Variants in CASK observed in about 807,000 individuals in gnomAD.
The protein encoded by CASK is peripheral plasma membrane protein CASK.
A neutral mutation model predicts 82.9 loss-of-function variants in CASK; 4 were observed. The observed-to-expected ratio is 0.05, with a 90% CI of 0.02 to 0.11. The LOEUF (loss-of-function observed/expected upper bound fraction) is 0.11, where lower values mean the gene tolerates loss of function less well. CASK is among the 10% of genes least tolerant of loss of function. The pLI is 1.00. For missense variants in CASK, 358 were observed against 720.9 expected (o/e 0.50, Z 5.76); for synonymous variants, 259 against 253.5 (o/e 1.02, Z -0.20).
chrX:41,673,234 T>C (rs1422549403), intron 5 of CASK, among the ~76,000 whole-genome samples: 1 of 110,436 alleles, frequency 9.1e-6, no homozygotes, highest in Non-Finnish European at 1.9e-5. Context: ...GATTCAGTCA[T>C]TCTTGAATCC....
chrX:41,886,661 A>T (rs895063291), intron 1 of CASK, among the ~76,000 whole-genome samples: 3 of 111,623 alleles, frequency 2.7e-5, no homozygotes, highest in Non-Finnish European at 5.7e-5. Context: ...ACACATAAGA[A>T]CTCTTGTTAG....
chrX:41,751,812 G>A (rs2068794717), intron 3 of CASK, among the ~76,000 whole-genome samples: 1 of 111,195 alleles, frequency 9.0e-6, no homozygotes, highest in African/African-American at 3.3e-5. Context: ...GGGAGGCTGA[G>A]GCAGGCAGAT....
intron 5 of CASK, among the ~76,000 whole-genome samples, chrX:41,686,595 CCT>C (rs2067445216): frequency 9.0e-6 from 1 of 110,890 alleles, no homozygotes; most frequent in African/African-American, 3.3e-5. Flanking sequence ...GTTTGGGACC[CCT>C]GTTTTGAGAA....
intron 5 of CASK, among the ~76,000 whole-genome samples, chrX:41,685,297 G>A (rs1478704047): frequency 9.0e-6 from 1 of 111,249 alleles, no homozygotes; most frequent in Admixed American, 9.6e-5. Flanking sequence ...TCTAGCTTTT[G>A]CACTCTTCCC....
At chrX:41,667,430 C>G (rs887809244) in intron 6 of CASK, among the ~76,000 whole-genome samples, 1 of 111,665 alleles carries the variant, frequency 9.0e-6, no homozygotes, top group African/African-American at 3.3e-5. Context: ...AATTAGCAAA[C>G]TAAATTAAAT....
intron 18 of CASK, 31 bp from the exon 19 acceptor site, chrX:41,557,131 G>T: frequency 9.5e-7 from 1 of 1,048,044 alleles, no homozygotes; most frequent in Non-Finnish European, 1.3e-6. Flanking sequence ...CATTAACACA[G>T]AACACCAGCA....
chrX:41,592,201 A>G (rs2065756128), intron 12 of CASK, among the ~76,000 whole-genome samples: 1 of 106,085 alleles, frequency 9.4e-6, no homozygotes, highest in Non-Finnish European at 1.9e-5. Context: ...AGCCTGGGTG[A>G]CAGAGCAAGA....
At chrX:41,537,939 G>A (rs774447309) in intron 22 of CASK, among the ~76,000 whole-genome samples, 164 of 108,722 alleles carry the variant, frequency 1.5e-3, no homozygotes, top group African/African-American at 4.9e-3. Context: ...CGGACCTCCC[G>A]GGTTCAAGTG....
At chrX:41,532,740 G>A (rs2064823696) in intron 24 of CASK, among the ~76,000 whole-genome samples, 1 of 111,466 alleles carries the variant, frequency 9.0e-6, no homozygotes, top group Non-Finnish European at 1.9e-5. Context: ...AGTGCTCGTG[G>A]TCATCAAAAT....
chrX:41,712,503 G>C (rs1002082427), intron 5 of CASK, among the ~76,000 whole-genome samples: 1 of 112,467 alleles, frequency 8.9e-6, no homozygotes, highest in Non-Finnish European at 1.9e-5. Flanking sequence ...AGGAAATTAT[G>C]ACAGTGAAAA....
chrX:41,854,439 G>A (rs1313543560), intron 1 of CASK, among the ~76,000 whole-genome samples: 1 of 112,262 alleles, frequency 8.9e-6, no homozygotes, highest in Non-Finnish European at 1.9e-5. Flanking sequence ...ATGTGTACAT[G>A]TATACATGCG....
At chrX:41,767,782 G>A (rs1258187288) in intron 3 of CASK, among the ~76,000 whole-genome samples, 2 of 111,494 alleles carry the variant, frequency 1.8e-5, no homozygotes, top group African/African-American at 6.5e-5. Flanking sequence ...GAGGTGAAAT[G>A]CCCTTCTCAT....
At chrX:41,644,593 A>G (rs774559593) in intron 8 of CASK, among the ~76,000 whole-genome samples, 1 of 112,404 alleles carries the variant, frequency 8.9e-6, no homozygotes, top group East Asian at 2.8e-4. Context: ...GATAACAGCA[A>G]TTGTTCAAGG....
chrX:41,727,259 G>A (rs2068277501), intron 5 of CASK: 1 of 1,206,993 alleles, frequency 8.3e-7, no homozygotes, highest in African/African-American at 1.7e-5. Context: ...TTCCTGAAAG[G>A]TTTCCAATGG....
rs138932237 is a variant in CASK at position 41,877,803 on chromosome X, T to C, written c.60-24576A>G. Among the ~76,000 whole-genome samples the C allele has an allele frequency of 1.1e-3, 118 of 111,185 alleles. 1 individual carries two copies. In the East Asian group the frequency reaches 0.03, roughly 28 times the overall value. ...CCATTGTAGATATTATGGGAAGAATTTTTCCTTCTTCCCATAATATCTACG... is the reference window on the plus strand; with the variant it reads ...CCATTGTAGATATTATGGGAAGAATCTTTCCTTCTTCCCATAATATCTACG... On this transcript the variant is annotated intron_variant, in intron 1 of 26. Transcript: ENST00000378163.
chrX:41,553,643 A>T, intron 21 of CASK, 76 bp downstream of exon 21: 1 of 780,767 alleles, frequency 1.3e-6, no homozygotes, highest in Non-Finnish European at 1.9e-6. Context: ...ACTCTAAAAT[A>T]ATATAAAATT....
chrX:41,716,794 G>C (rs993371798), intron 5 of CASK, among the ~76,000 whole-genome samples: 1 of 111,699 alleles, frequency 9.0e-6, no homozygotes, highest in Non-Finnish European at 1.9e-5. Context: ...TATACTCCCT[G>C]GTGGTAAAAA....
chrX:41,707,799 T>C (rs2067908639), intron 5 of CASK, among the ~76,000 whole-genome samples: 1 of 110,408 alleles, frequency 9.1e-6, no homozygotes, highest in African/African-American at 3.3e-5. Flanking sequence ...TTCTAGGAGA[T>C]AAAAACAAGT....
intron 22 of CASK, among the ~76,000 whole-genome samples, chrX:41,541,210 T>C (rs1349721594): frequency 3.6e-5 from 4 of 112,365 alleles, no homozygotes; most frequent in Non-Finnish European, 7.5e-5. Flanking sequence ...CTGCTGATAC[T>C]GCTGTGCATT....
Sources: gnomAD v4.1 joint callset for allele counts (sites outside exome capture counted in the v4.1 genomes callset) on GRCh38, gnomAD v4.1.1 for gene constraint, MANE v1.5 for transcripts, NCBI Gene and HGNC (gene_info 2026-07-23, HGNC 2026-07-21) for gene names.